ZNF385D: variants seen among roughly 807,000 people sequenced by gnomAD.
ZNF385D encodes the protein zinc finger protein 385D, also known as zinc finger protein 659.
In ZNF385D, 15 loss-of-function variants were observed where a neutral mutation model predicts 35.8. That is an observed-to-expected ratio of 0.42 (90% CI 0.28 to 0.64). ZNF385D has a LOEUF of 0.64. ZNF385D is among the 30% of genes least tolerant of loss of function. The probability of loss-of-function intolerance (pLI) is 0.23; values close to 1 mark genes in which losing one functional copy is unlikely to be tolerated. For synonymous variants in ZNF385D, 212 were observed against 186.8 expected (o/e 1.13, Z -1.10); for missense variants, 474 against 494.6 (o/e 0.96, Z 0.39).
chr3:21,593,593 C>A (rs2064044589), intron 2 of ZNF385D, among the ~76,000 whole-genome samples: 1 of 151,972 alleles, frequency 6.6e-6, no homozygotes, highest in Non-Finnish European at 1.5e-5. Flanking sequence ...GAACACAATC[C>A]CACCTTACTC....
chr3:22,103,401 T>C (rs1702043406), intron 3 of ZNF385D, among the ~76,000 whole-genome samples: 1 of 152,062 alleles, frequency 6.6e-6, no homozygotes, highest in Non-Finnish European at 1.5e-5. Context: ...AAAGTAAACA[T>C]CTGCTCCACA....
At chr3:21,621,523 T>C (rs17009166) in intron 2 of ZNF385D, among the ~76,000 whole-genome samples, 4,363 of 150,710 alleles carry the variant, frequency 0.029, 198 homozygotes, top group African/African-American at 0.098. Context: ...AACTGCCAAT[T>C]TGCTGTGTCA....
Position 22,351,620 on chromosome 3 carries a change from T to A in ZNF385D, c.106+20830A>T, listed in dbSNP as rs1695919225. On this transcript the variant is annotated intron_variant, in intron 2 of 5. Coordinates refer to the ZNF385D transcript ENST00000494108. ...AATACAAATACATCCAATAACTCTG[T>A]ATAATGAGAGTAAGCTAAAAATCCA... is the stretch of plus-strand genomic sequence containing the variant. Among the ~76,000 whole-genome samples, 3 of 152,146 alleles carry A rather than the reference T, an allele frequency of 2.0e-5. No individual in the cohort carries two copies. In the South Asian group the frequency reaches 6.2e-4, roughly 32 times the overall value.
chr3:21,824,320 T>TA (rs1006038745), intron 3 of ZNF385D, among the ~76,000 whole-genome samples: 6 of 152,300 alleles, frequency 3.9e-5, no homozygotes, highest in African/African-American at 9.6e-5. Context: ...GTGCTTTTTA[T>TA]AAAAAACAAC....
At chr3:22,354,105 T>C (rs1465128596) in intron 2 of ZNF385D, among the ~76,000 whole-genome samples, 1 of 152,120 alleles carries the variant, frequency 6.6e-6, no homozygotes, top group Admixed American at 6.6e-5. Flanking sequence ...TAGCATCCCC[T>C]CTGCTGAATG....
At chr3:21,898,961 T>C (rs146476837) in intron 3 of ZNF385D, among the ~76,000 whole-genome samples, 1 of 152,256 alleles carries the variant, frequency 6.6e-6, no homozygotes, top group Non-Finnish European at 1.5e-5. Context: ...CGGGGTCACA[T>C]GCCATTTTCC....
chr3:21,444,843 G>A (rs1702063612), intron 4 of ZNF385D, among the ~76,000 whole-genome samples: 1 of 152,104 alleles, frequency 6.6e-6, no homozygotes, highest in African/African-American at 2.4e-5. Context: ...TTCAAATTTG[G>A]GGATAAACAG....
chr3:22,278,980 T>C (rs1172261247), intron 2 of ZNF385D, among the ~76,000 whole-genome samples: 4 of 152,116 alleles, frequency 2.6e-5, no homozygotes, highest in Non-Finnish European at 5.9e-5. Flanking sequence ...TTAGGCGGGT[T>C]ACTAGAAATT....
intron 2 of ZNF385D, among the ~76,000 whole-genome samples, chr3:22,222,455 G>A (rs1056417373): frequency 6.6e-6 from 1 of 152,184 alleles, no homozygotes; most frequent in Middle Eastern, 3.4e-3. Flanking sequence ...CACATTAAAG[G>A]CCCTCAAAGG....
intron 3 of ZNF385D, among the ~76,000 whole-genome samples, chr3:21,547,470 C>CGAT (rs142645190): frequency 0.028 from 4,226 of 152,058 alleles, 198 homozygotes; most frequent in African/African-American, 0.097. Context: ...GAGCGTCTGA[C>CGAT]GATAGCCCCT....
chr3:22,266,561 A>G (rs187012578), intron 2 of ZNF385D, among the ~76,000 whole-genome samples: 147 of 152,000 alleles, frequency 9.7e-4, no homozygotes, highest in African/African-American at 3.2e-3. Flanking sequence ...AGAAAGCACA[A>G]TTAGAAAGGA....
At chr3:21,863,092 T>C (rs1013555724) in intron 3 of ZNF385D, among the ~76,000 whole-genome samples, 2 of 152,180 alleles carry the variant, frequency 1.3e-5, no homozygotes, top group Admixed American at 1.3e-4. Context: ...TAAAGTCCAC[T>C]ATCCTCAAAA....
rs186258431 is a variant in ZNF385D, at chr3:22,246,305, A to G, written c.107-77270T>C. ...AATTTATGTTAGAAGGATGGCACGC[A>G]AATTTTTTGGTTGACCTCTGTCTAC... On this transcript the variant is annotated intron_variant, in intron 2 of 5. Coordinates refer to the ZNF385D transcript ENST00000494108. 3.4e-3 allele frequency among the ~76,000 whole-genome samples: 516 copies of G among 152,230 alleles called. 3 individuals carry two copies. The highest frequency in any genetic ancestry group is 0.011 in the African/African-American group (469 of 41,558).
At chr3:21,849,605 C>CTTTTTTTTTTTTTTT in intron 3 of ZNF385D, 1 of 108,202 alleles carries the variant, frequency 9.2e-6, no homozygotes, top group Non-Finnish European at 1.8e-5. Flanking sequence ...AAACCCATTT[C>CTTTTTTTTTTTTTTT]TTTTTTTTTT....
intron 3 of ZNF385D, among the ~76,000 whole-genome samples, chr3:21,910,740 C>T (rs1699922842): frequency 6.6e-6 from 1 of 151,208 alleles, no homozygotes; most frequent in Non-Finnish European, 1.5e-5. Flanking sequence ...GCAGAGAAAG[C>T]TTTATTGGAG....
chr3:22,272,596 T>C (rs1011969682), intron 2 of ZNF385D, among the ~76,000 whole-genome samples: 3 of 152,034 alleles, frequency 2.0e-5, no homozygotes, highest in African/African-American at 7.2e-5. Flanking sequence ...GGTATGGGCA[T>C]TGTGAAGACA....
intron 4 of ZNF385D, among the ~76,000 whole-genome samples, chr3:21,510,490 C>T (rs1707119802): frequency 2.0e-5 from 3 of 152,072 alleles, no homozygotes; most frequent in Non-Finnish European, 2.9e-5. Flanking sequence ...GCTGTGTACT[C>T]ACAATTAAAT....
chr3:21,996,148 ATG>A (rs1259494009), intron 3 of ZNF385D, among the ~76,000 whole-genome samples: 1 of 152,058 alleles, frequency 6.6e-6, no homozygotes, highest in Non-Finnish European at 1.5e-5. Flanking sequence ...CAGCGTGTGT[ATG>A]GGACCCAGCA....
chr3:21,458,810 G>A (rs912475181), intron 4 of ZNF385D, among the ~76,000 whole-genome samples: 3 of 142,824 alleles, frequency 2.1e-5, no homozygotes, highest in Non-Finnish European at 4.7e-5. Context: ...TGGATAATGC[G>A]GGGTGGGGGG....
Sources: gnomAD v4.1 joint callset for allele counts (sites outside exome capture counted in the v4.1 genomes callset) on GRCh38, gnomAD v4.1.1 for gene constraint, MANE v1.5 for transcripts, NCBI Gene and HGNC (gene_info 2026-07-23, HGNC 2026-07-21) for gene names.